CPNE4: variants seen among roughly 807,000 people sequenced by gnomAD.
CPNE4 encodes the protein copine-4.
In CPNE4, 25 loss-of-function variants were observed where a neutral mutation model predicts 67.9. The observed-to-expected ratio is 0.37, with a 90% CI of 0.27 to 0.51. The LOEUF is 0.51. Ranked by LOEUF, CPNE4 falls within the 20% of genes least tolerant of loss-of-function variation. The pLI is 0.93. For missense variants in CPNE4, 464 were observed against 690.8 expected (o/e 0.67, Z 3.68); for synonymous variants, 242 against 244.9 (o/e 0.99, Z 0.11).
chr3:131,732,716 TCATGAA>T (rs1462960853), intron 2 of CPNE4, among the ~76,000 whole-genome samples: 1 of 152,222 alleles, frequency 6.6e-6, no homozygotes, highest in East Asian at 1.9e-4. Flanking sequence ...AGCGGTCCCT[TCATGAA>T]CATCTCTTTT....
chr3:131,959,024 G>A (rs1342904679), intron 1 of CPNE4, among the ~76,000 whole-genome samples: 2 of 7,036 alleles, frequency 2.8e-4, no homozygotes, highest in Admixed American at 4.7e-3. Context: ...TTTTTGAGAC[G>A]GAGTCTCGCT....
chr3:131,865,463 G>A (rs181842452), intron 2 of CPNE4, among the ~76,000 whole-genome samples: 6 of 152,016 alleles, frequency 3.9e-5, no homozygotes, highest in African/African-American at 7.2e-5. Context: ...CCCAAATCTC[G>A]CATTCTTTAT....
intron 2 of CPNE4, among the ~76,000 whole-genome samples, chr3:131,806,499 G>A (rs1366848179): frequency 2.7e-5 from 4 of 146,936 alleles, no homozygotes; most frequent in Non-Finnish European, 4.5e-5. Flanking sequence ...GCAGTGAGCC[G>A]AGATTGTGCC....
chr3:131,586,749 TG>T (rs1219743063), intron 8 of CPNE4, among the ~76,000 whole-genome samples: 4 of 152,148 alleles, frequency 2.6e-5, no homozygotes, highest in African/African-American at 9.6e-5. Flanking sequence ...TCTGTCTGTC[TG>T]TCTGTCTGTC....
At chr3:131,684,529 C>T (rs1272809877) in intron 6 of CPNE4, among the ~76,000 whole-genome samples, 1 of 152,150 alleles carries the variant, frequency 6.6e-6, no homozygotes, top group Non-Finnish European at 1.5e-5. Context: ...CCATCCAAGG[C>T]TATTTAATTT....
chr3:131,986,853 C>A (rs867211431), intron 1 of CPNE4, among the ~76,000 whole-genome samples: 3,263 of 101,470 alleles, frequency 0.032, 50 homozygotes, highest in Non-Finnish European at 0.047. Context: ...CAAAAAAAAA[C>A]AAAAACAAAC....
chr3:131,943,714 A>G (rs1267414193), intron 1 of CPNE4, among the ~76,000 whole-genome samples: 1 of 152,070 alleles, frequency 6.6e-6, no homozygotes, highest in East Asian at 1.9e-4. Context: ...GAATTGTTCT[A>G]AAAACACTAA....
At chr3:131,557,637 A>G (rs560096541) in intron 11 of CPNE4, among the ~76,000 whole-genome samples, 28 of 152,228 alleles carry the variant, frequency 1.8e-4, no homozygotes, top group African/African-American at 6.0e-4. Flanking sequence ...GGTGCATTGC[A>G]TCTAGCAGGT....
intron 7 of CPNE4, among the ~76,000 whole-genome samples, chr3:131,633,734 T>C (rs151245094): frequency 6.6e-6 from 1 of 151,922 alleles, no homozygotes; most frequent in African/African-American, 2.4e-5. Flanking sequence ...AGGCTAAAAA[T>C]TGATAAGCCA....
At chr3:131,585,631 T>G (rs545349054) in intron 8 of CPNE4, among the ~76,000 whole-genome samples, 1 of 152,336 alleles carries the variant, frequency 6.6e-6, no homozygotes, top group Admixed American at 6.5e-5. Context: ...CCATATTTAC[T>G]GCTTGGACTA....
chr3:131,777,019 C>T (rs2083307820), intron 2 of CPNE4, among the ~76,000 whole-genome samples: 1 of 152,114 alleles, frequency 6.6e-6, no homozygotes. Flanking sequence ...TGTATTTTCA[C>T]ATTTTCTAGC....
At chr3:131,623,021 G>T (rs1398162507) in intron 7 of CPNE4, among the ~76,000 whole-genome samples, 2 of 152,282 alleles carry the variant, frequency 1.3e-5, no homozygotes, top group South Asian at 4.1e-4. Flanking sequence ...CTTAAATGGA[G>T]ACCAAATGCT....
intron 11 of CPNE4, among the ~76,000 whole-genome samples, chr3:131,556,510 GT>G (rs1559891542): frequency 1.3e-5 from 2 of 151,924 alleles, no homozygotes; most frequent in Admixed American, 6.6e-5. Context: ...GTCTTTTCTT[GT>G]TTTTTGAACT....
At chr3:132,007,424 C>T (rs533146770) in intron 1 of CPNE4, among the ~76,000 whole-genome samples, 1 of 152,308 alleles carries the variant, frequency 6.6e-6, no homozygotes, top group South Asian at 2.1e-4. Flanking sequence ...ATGAACCTCA[C>T]TGAATCCCCA....
Position 131,657,456 on chromosome 3 carries a change from T to C in CPNE4, c.681+12219A>G, listed in dbSNP as rs150030949. Among the ~76,000 whole-genome samples the C allele has an allele frequency of 4.3e-3, 651 of 152,194 alleles. 2 individuals carry two copies. Among genetic ancestry groups the C allele is most frequent in the Non-Finnish European group, 7.7e-3 (521 of 68,014 alleles). On this transcript the variant is annotated intron_variant, in intron 7 of 15. Coordinates refer to ENST00000429747, the MANE Select transcript of CPNE4 (RefSeq NM_130808.3). ...TTTTGAAAATTATACATTGACAAGATATACTGTGGCTCACCTCAGGAATTG... is the reference window on the plus strand; with the variant it reads ...TTTTGAAAATTATACATTGACAAGACATACTGTGGCTCACCTCAGGAATTG...
At chr3:132,008,878 C>G (rs1330743689) in intron 1 of CPNE4, among the ~76,000 whole-genome samples, 10 of 152,182 alleles carry the variant, frequency 6.6e-5, no homozygotes, top group Non-Finnish European at 1.5e-5. Flanking sequence ...GTCCACTTTT[C>G]TAGAAAAATA....
intron 7 of CPNE4, among the ~76,000 whole-genome samples, chr3:131,669,109 G>A (rs995010228): frequency 6.6e-6 from 1 of 152,122 alleles, no homozygotes; most frequent in Admixed American, 6.5e-5. Context: ...AAGCTGGCCT[G>A]GGGATGATGA....
At chr3:131,930,255 T>C (rs917123110) in intron 1 of CPNE4, among the ~76,000 whole-genome samples, 7 of 151,962 alleles carry the variant, frequency 4.6e-5, no homozygotes, top group Non-Finnish European at 7.4e-5. Context: ...TCAAGGGACA[T>C]TGCAGTAACC....
At chr3:131,612,244 G>A (rs1939886550) in intron 7 of CPNE4, among the ~76,000 whole-genome samples, 1 of 152,006 alleles carries the variant, frequency 6.6e-6, no homozygotes, top group South Asian at 2.1e-4. Context: ...CGTGGTGGCG[G>A]GCACCTGTAA....
Sources: allele counts gnomAD v4.1 joint callset (sites outside exome capture counted in the v4.1 genomes callset), GRCh38; gene constraint gnomAD v4.1.1; transcripts MANE v1.5; gene names NCBI Gene and HGNC (gene_info 2026-07-23, HGNC 2026-07-21).